The following BTBD16 variants were observed in gnomAD, a reference collection of about 807,000 sequenced individuals.
BTBD16 encodes the protein BTB/POZ domain-containing protein 16.
Under a neutral mutation model 67.4 loss-of-function variants are expected in BTBD16, and 66 were observed. The observed-to-expected ratio is 0.98, with a 90% CI of 0.80 to 1.20. The LOEUF (loss-of-function observed/expected upper bound fraction) is 1.20, where lower values mean the gene tolerates loss of function less well. Among genes scored for constraint, BTBD16 ranks in the 50% most tolerant of loss-of-function variants. The pLI is 0.00. For synonymous variants in BTBD16, 242 were observed against 236.4 expected (o/e 1.02, Z -0.22); for missense variants, 634 against 616.0 (o/e 1.03, Z -0.31).
intron 11 of BTBD16, 148 bp from the exon 12 acceptor site, chr10:122,331,028 C>T: frequency 1.0e-6 from 1 of 990,792 alleles, no homozygotes; most frequent in Non-Finnish European, 1.4e-6. Context: ...GTTTTATTTC[C>T]ACTTTGTCAA....
intron 9 of BTBD16, among the ~76,000 whole-genome samples, chr10:122,299,972 T>A (rs1327825852): frequency 6.6e-6 from 1 of 152,152 alleles, no homozygotes; most frequent in African/African-American, 2.4e-5. Flanking sequence ...CACCTCCCCA[T>A]ACCGGGCCTT....
At chr10:122,302,224 C>T (rs1363558095) in intron 9 of BTBD16, among the ~76,000 whole-genome samples, 1 of 152,194 alleles carries the variant, frequency 6.6e-6, no homozygotes, top group Non-Finnish European at 1.5e-5. Flanking sequence ...TTGTAAACCA[C>T]CTGGGGTAAA....
Position 122,312,309 on chromosome 10 carries a change from C to CTTTTTTT in BTBD16, c.911+5018_911+5024dup, listed in dbSNP as rs58045019. On this transcript the variant is annotated intron_variant, in intron 10 of 15. Coordinates refer to ENST00000260723, the MANE Select transcript of BTBD16 (RefSeq NM_144587.5). ...GTCTTTCACTTTTCTTTTTCTTTTT[C>CTTTTTTT]TTTTTTTTTTTTTTTTTTTTTTTGA... 2.0e-3 allele frequency among the ~76,000 whole-genome samples: 212 copies of CTTTTTTT among 105,548 alleles called. 1 individual carries two copies. Among genetic ancestry groups the CTTTTTTT allele is most frequent in the Non-Finnish European group, 3.0e-3 (165 of 54,146 alleles). 69.2% of individuals were successfully genotyped at this position (105,548 alleles called of 152,430 possible).
intron 14 of BTBD16, 107 bp from the exon 15 acceptor site, chr10:122,336,387 T>C: frequency 1.0e-6 from 1 of 993,732 alleles, no homozygotes. Flanking sequence ...GCCCTCTTGC[T>C]GCCTGCACAC....
chr10:122,322,874 A>G (rs1308068533), intron 10 of BTBD16, among the ~76,000 whole-genome samples: 1 of 152,172 alleles, frequency 6.6e-6, no homozygotes, highest in Non-Finnish European at 1.5e-5. Context: ...TCTGGGCTCC[A>G]TAGTATTGCA....
intron 9 of BTBD16, 63 bp downstream of exon 9, chr10:122,299,197 T>C: frequency 6.3e-7 from 1 of 1,581,386 alleles, no homozygotes; most frequent in Non-Finnish European, 8.6e-7. Flanking sequence ...GGGGCCAGGC[T>C]GGGGAGGGAG....
intron 7 of BTBD16, chr10:122,294,144 C>T (rs973200834): frequency 2.4e-5 from 24 of 985,418 alleles, no homozygotes; most frequent in Admixed American, 6.1e-5. Context: ...GAGGCCAGGG[C>T]GGGCCTGCAC....
intron 10 of BTBD16, chr10:122,328,675 G>C (rs1269680531): frequency 2.4e-6 from 2 of 835,020 alleles, no homozygotes; most frequent in Non-Finnish European, 2.9e-6. Context: ...CCTTGAGGGA[G>C]TGACTGCATT....
At chr10:122,311,704 A>G (rs932622982) in intron 10 of BTBD16, among the ~76,000 whole-genome samples, 8 of 152,238 alleles carry the variant, frequency 5.3e-5, no homozygotes, top group Admixed American at 3.9e-4. Flanking sequence ...GAAGAGCTCA[A>G]TGAATTTCCA....
intron 7 of BTBD16, among the ~76,000 whole-genome samples, chr10:122,292,485 A>G (rs1400689620): frequency 6.6e-6 from 1 of 152,264 alleles, no homozygotes; most frequent in Non-Finnish European, 1.5e-5. Flanking sequence ...AGGGGGCCCC[A>G]GAGCCTGGAC....
intron 10 of BTBD16, among the ~76,000 whole-genome samples, chr10:122,319,076 G>A (rs1428849178): frequency 6.6e-6 from 1 of 152,080 alleles, no homozygotes; most frequent in Non-Finnish European, 1.5e-5. Flanking sequence ...TTTTAAAACC[G>A]GGTTGTTTTA....
At chr10:122,280,115 A>G (rs192706904) in intron 3 of BTBD16, among the ~76,000 whole-genome samples, 6 of 152,236 alleles carry the variant, frequency 3.9e-5, no homozygotes, top group African/African-American at 1.4e-4. Flanking sequence ...GGCTGAGAGG[A>G]GGAAATGTTA....
At chr10:122,300,260 A>G (rs2096391430) in intron 9 of BTBD16, among the ~76,000 whole-genome samples, 1 of 152,206 alleles carries the variant, frequency 6.6e-6, no homozygotes, top group Admixed American at 6.5e-5. Flanking sequence ...TTTCAAATTT[A>G]ACGTTGCAAG....
chr10:122,304,979 T>C (rs890760361), intron 9 of BTBD16, among the ~76,000 whole-genome samples: 2 of 152,144 alleles, frequency 1.3e-5, no homozygotes, highest in African/African-American at 4.8e-5. Flanking sequence ...CCGCTGAGCA[T>C]GTCATGATGT....
intron 9 of BTBD16, among the ~76,000 whole-genome samples, chr10:122,299,745 T>C (rs994837456): frequency 1.3e-5 from 2 of 152,142 alleles, no homozygotes; most frequent in African/African-American, 4.8e-5. Flanking sequence ...AGTCCAGCGC[T>C]ATGGGCCTCG....
chr10:122,311,440 G>T (rs1590078900), intron 10 of BTBD16, among the ~76,000 whole-genome samples: 1 of 152,174 alleles, frequency 6.6e-6, no homozygotes, highest in South Asian at 2.1e-4. Context: ...ATAGCTAGTT[G>T]AGAAAAACAA....
At chr10:122,312,605 C>T (rs959820803) in intron 10 of BTBD16, among the ~76,000 whole-genome samples, 1 of 152,016 alleles carries the variant, frequency 6.6e-6, no homozygotes, top group Admixed American at 6.6e-5. Flanking sequence ...TGAGCCACCG[C>T]TTCTGGCCAG....
rs79212278 is a variant in BTBD16, at chr10:122,330,788, G to C, written c.1004-388G>C. On this transcript the variant is annotated intron_variant, in intron 11 of 15. Transcript: ENST00000260723. ...TGTCCCCCAAGGCTGGAGTGCACTG[G>C]TGCAATCTTGGCTCACTGCAGCCTC... 4.5e-3 allele frequency among the ~76,000 whole-genome samples: 678 copies of C among 152,172 alleles called. 4 individuals carry two copies. Among genetic ancestry groups the C allele is most frequent in the African/African-American group, 0.016 (649 of 41,514 alleles).
At chr10:122,300,385 A>G (rs1397789421) in intron 9 of BTBD16, among the ~76,000 whole-genome samples, 2 of 152,168 alleles carry the variant, frequency 1.3e-5, no homozygotes, top group African/African-American at 2.4e-5. Context: ...TAATGCATAA[A>G]ATATATAGTT....
Sources: allele counts gnomAD v4.1 joint callset (sites outside exome capture counted in the v4.1 genomes callset), GRCh38; gene constraint gnomAD v4.1.1; transcripts MANE v1.5; gene names NCBI Gene and HGNC (gene_info 2026-07-23, HGNC 2026-07-21).